QKI: variants seen among roughly 807,000 people sequenced by gnomAD.
The protein encoded by QKI is KH domain-containing RNA-binding protein QKI.
QKI carries 10 observed loss-of-function variants against 39.0 expected under a neutral mutation model. The ratio of observed to expected loss-of-function variants is 0.26; its 90% CI spans 0.16 to 0.43. QKI has a LOEUF of 0.43. QKI is among the 20% of genes least tolerant of loss of function. The pLI is 1.00. For missense variants in QKI, 218 were observed against 428.0 expected, an observed-to-expected ratio of 0.51 and a Z score of 4.33; for synonymous variants, 204 against 155.4, an observed-to-expected ratio of 1.31 and a Z score of -2.33.
chr6:163,479,034 C>T, intron 3 of QKI, 138 bp downstream of exon 3: 1 of 638,396 alleles, frequency 1.6e-6, no homozygotes, highest in Non-Finnish European at 2.6e-6. Flanking sequence ...GCCTGTAATC[C>T]CAGCACTTTG....
rs1780652417 is a variant in QKI at position 163,528,488 on chromosome 6, A to G, written c.403-6494A>G. On this transcript the variant is annotated intron_variant, in intron 3 of 7. Coordinates refer to ENST00000361752, the MANE Select transcript of QKI (RefSeq NM_006775.3). ...AACACTTACTGCCTGACTTGACTAA[A>G]TCATGTTAAATGTTGGTAAGACTGA... is the stretch of plus-strand genomic sequence containing the variant. Among the ~76,000 whole-genome samples, 3 of 152,262 alleles carry G rather than the reference A, an allele frequency of 2.0e-5. No individual in the cohort carries two copies. The South Asian group carries it at 6.2e-4, about 32-fold the overall frequency.
chr6:163,479,871 T>C (rs1792936421), intron 3 of QKI, among the ~76,000 whole-genome samples: 1 of 152,232 alleles, frequency 6.6e-6, no homozygotes, highest in Non-Finnish European at 1.5e-5. Context: ...CAAATAACTT[T>C]GGATGTATGT....
chr6:163,470,308 T>A (rs1792089114), intron 2 of QKI, among the ~76,000 whole-genome samples: 1 of 152,042 alleles, frequency 6.6e-6, no homozygotes, highest in Non-Finnish European at 1.5e-5. Context: ...ATACGTACTT[T>A]AGGAGTAAGA....
intron 7 of QKI, chr6:163,567,360 T>G: frequency 1.0e-6 from 1 of 984,932 alleles, no homozygotes; most frequent in Non-Finnish European, 1.2e-6. Context: ...AACTTTCATG[T>G]AGTTGGATTT....
intron 3 of QKI, among the ~76,000 whole-genome samples, chr6:163,533,399 TTACTC>T (rs1271412230): frequency 3.3e-5 from 5 of 152,212 alleles, no homozygotes; most frequent in East Asian, 3.8e-4. Flanking sequence ...TATTAAATAT[TTACTC>T]TACAAACAAC....
intron 1 of QKI, among the ~76,000 whole-genome samples, chr6:163,453,680 G>A (rs1790735450): frequency 6.6e-6 from 1 of 152,108 alleles, no homozygotes. Context: ...AGAACCTTAG[G>A]AAATAATAAA....
chr6:163,442,168 G>T (rs1047058231), intron 1 of QKI, among the ~76,000 whole-genome samples: 1 of 150,818 alleles, frequency 6.6e-6, no homozygotes, highest in Non-Finnish European at 1.5e-5. Flanking sequence ...TATTAAAACA[G>T]ACATTTAAAA....
At chr6:163,421,605 C>G (rs150602960) in intron 1 of QKI, among the ~76,000 whole-genome samples, 9 of 152,286 alleles carry the variant, frequency 5.9e-5, no homozygotes, top group Non-Finnish European at 1.3e-4. Flanking sequence ...TGAGTATAAT[C>G]ATATGTGGCT....
intron 7 of QKI, chr6:163,568,588 A>G (rs1783516934): frequency 1.0e-6 from 1 of 978,280 alleles, no homozygotes; most frequent in Non-Finnish European, 1.2e-6. Context: ...CTTCACTTAA[A>G]TTATTTTATG....
At chr6:163,525,593 G>A (rs994407699) in intron 3 of QKI, among the ~76,000 whole-genome samples, 2 of 152,060 alleles carry the variant, frequency 1.3e-5, no homozygotes, top group Admixed American at 6.5e-5. Context: ...TTCTGACCTC[G>A]TGATCCTCCC....
At chr6:163,516,333 C>T (rs184670934) in intron 3 of QKI, among the ~76,000 whole-genome samples, 7 of 152,180 alleles carry the variant, frequency 4.6e-5, no homozygotes, top group East Asian at 1.9e-4. Flanking sequence ...CTGGCTCTGT[C>T]GCCCAGGCTG....
chr6:163,457,857 C>T (rs1271947775), intron 2 of QKI, among the ~76,000 whole-genome samples: 1 of 151,916 alleles, frequency 6.6e-6, no homozygotes, highest in Non-Finnish European at 1.5e-5. Context: ...TATGGAGAAA[C>T]ATAAAGTGGG....
intron 3 of QKI, among the ~76,000 whole-genome samples, chr6:163,497,597 T>A (rs2128230464): frequency 6.6e-6 from 1 of 151,818 alleles, no homozygotes; most frequent in Non-Finnish European, 1.5e-5. Context: ...CTATATTTAT[T>A]ACCTAATGAC....
chr6:163,468,890 A>G (rs1173429594), intron 2 of QKI, among the ~76,000 whole-genome samples: 6 of 152,016 alleles, frequency 3.9e-5, no homozygotes. Flanking sequence ...GCAGTAGACA[A>G]AGCAGCTGCT....
intron 3 of QKI, among the ~76,000 whole-genome samples, chr6:163,484,011 C>G (rs77448190): frequency 5.3e-5 from 8 of 152,302 alleles, no homozygotes; most frequent in African/African-American, 1.9e-4. Flanking sequence ...ACATTCATCT[C>G]CTTGTACGTC....
chr6:163,565,687 C>T, intron 6 of QKI: 1 of 1,133,926 alleles, frequency 8.8e-7, no homozygotes, highest in South Asian at 4.0e-5. Context: ...TCATTTCTTG[C>T]TTTGCCACCT....
intron 6 of QKI, chr6:163,564,058 T>G (rs1783201482): frequency 9.1e-7 from 1 of 1,104,216 alleles, no homozygotes; most frequent in African/African-American, 1.6e-5. Flanking sequence ...TCAGCTCCAC[T>G]TCTCAAACTT....
intron 6 of QKI, chr6:163,565,327 C>CT: frequency 4.1e-6 from 4 of 986,454 alleles, no homozygotes; most frequent in Non-Finnish European, 4.8e-6. Flanking sequence ...AGTTATGACT[C>CT]TTGACTTCCT....
intron 3 of QKI, among the ~76,000 whole-genome samples, chr6:163,498,203 A>AAAAAT: frequency 6.6e-6 from 1 of 151,622 alleles, no homozygotes; most frequent in Admixed American, 6.6e-5. Flanking sequence ...AAAAAAAAAA[A>AAAAAT]AAATGTATAT....
Sources: allele counts gnomAD v4.1 joint callset (sites outside exome capture counted in the v4.1 genomes callset), GRCh38; gene constraint gnomAD v4.1.1; transcripts MANE v1.5; gene names NCBI Gene and HGNC (gene_info 2026-07-23, HGNC 2026-07-21).